Variants in RANBP2 observed in about 807,000 individuals in gnomAD.
RANBP2 encodes the protein E3 SUMO-protein ligase RanBP2.
In RANBP2, 57 loss-of-function variants were observed where a neutral mutation model predicts 303.6. The observed-to-expected ratio is 0.19, with a 90% confidence interval of 0.15 to 0.23. The LOEUF is 0.23. RANBP2 is among the 10% of genes least tolerant of loss of function. RANBP2 has a pLI of 1.00. For missense variants in RANBP2, 3,138 were observed against 3,780.8 expected (o/e 0.83, Z 4.46); for synonymous variants, 1,167 against 1,301.5 (o/e 0.90, Z 2.23).
the RANBP2 span, among the ~76,000 whole-genome samples, chr2:109,530,947 G>A: frequency 3.0e-4 from 45 of 152,256 alleles, no homozygotes; most frequent in Non-Finnish European, 6.0e-4. Flanking sequence ...GGAGCTTCTC[G>A]GGAAATGAAA....
chr2:109,175,801 A>G, the RANBP2 span, among the ~76,000 whole-genome samples: 1 of 152,238 alleles, frequency 6.6e-6, no homozygotes, highest in Non-Finnish European at 1.5e-5. Context: ...GGAGTAATTC[A>G]TCTTTTAACA....
At chr2:109,524,284 G>A in the RANBP2 span, among the ~76,000 whole-genome samples, 3 of 152,078 alleles carry the variant, frequency 2.0e-5, no homozygotes, top group African/African-American at 7.2e-5. Context: ...TCCACTGTAA[G>A]GACGGCTCAG....
At chr2:109,326,896 T>A in the RANBP2 span, among the ~76,000 whole-genome samples, 1 of 152,308 alleles carries the variant, frequency 6.6e-6, no homozygotes, top group East Asian at 1.9e-4. Context: ...GAGCAGGGGC[T>A]CACACCTGAG....
the RANBP2 span, among the ~76,000 whole-genome samples, chr2:109,071,967 C>G: frequency 6.6e-6 from 1 of 152,086 alleles, no homozygotes; most frequent in South Asian, 2.1e-4. Context: ...GAATATATCA[C>G]AAAGAGGAAT....
At chr2:109,264,533 A>C in the RANBP2 span, among the ~76,000 whole-genome samples, 3 of 152,258 alleles carry the variant, frequency 2.0e-5, no homozygotes, top group Non-Finnish European at 4.4e-5. Context: ...AAGTGAATCA[A>C]GTCTCAGGGC....
the RANBP2 span, among the ~76,000 whole-genome samples, chr2:108,805,464 G>A: frequency 2.0e-5 from 3 of 152,044 alleles, no homozygotes; most frequent in South Asian, 2.1e-4. Flanking sequence ...GGTGGCTCAC[G>A]CCTGTAATCC....
intron 24 of RANBP2, 90 bp downstream of exon 24, chr2:108,776,026 C>T (rs1159437730): frequency 2.5e-5 from 29 of 1,139,518 alleles, no homozygotes; most frequent in Non-Finnish European, 3.5e-5. Flanking sequence ...CTGAAAACTC[C>T]CTTTAAAACA....
chr2:109,056,004 C>T, the RANBP2 span, among the ~76,000 whole-genome samples: 10 of 149,332 alleles, frequency 6.7e-5, no homozygotes, highest in Admixed American at 2.7e-4. Context: ...GTGATCCACC[C>T]GCCTCAGCCT....
At chr2:108,924,928 G>A in the RANBP2 span, among the ~76,000 whole-genome samples, 3 of 152,224 alleles carry the variant, frequency 2.0e-5, no homozygotes, top group Non-Finnish European at 2.9e-5. Flanking sequence ...GCTTTCTAAC[G>A]TCCCTGGCCC....
chr2:109,325,122 G>T, the RANBP2 span, among the ~76,000 whole-genome samples: 1 of 152,010 alleles, frequency 6.6e-6, no homozygotes, highest in Non-Finnish European at 1.5e-5. Context: ...GTCAGGGAGG[G>T]GTCCCTTGGC....
At chr2:109,019,793 C>G in the RANBP2 span, among the ~76,000 whole-genome samples, 1 of 152,222 alleles carries the variant, frequency 6.6e-6, no homozygotes, top group Non-Finnish European at 1.5e-5. Context: ...ATGCCTTTGG[C>G]TTCTCCTGTC....
At chr2:108,973,355 G>T in the RANBP2 span, among the ~76,000 whole-genome samples, 1 of 152,216 alleles carries the variant, frequency 6.6e-6, no homozygotes, top group Non-Finnish European at 1.5e-5. Context: ...TGACTCAGGG[G>T]GCTGGCTAGG....
chr2:108,975,786 G>A, the RANBP2 span, among the ~76,000 whole-genome samples: 16 of 152,222 alleles, frequency 1.1e-4, no homozygotes, highest in Middle Eastern at 3.4e-3. Flanking sequence ...GGCTCCGTGC[G>A]GCATCAGGAT....
chr2:108,932,073 C>A, the RANBP2 span, among the ~76,000 whole-genome samples: 1 of 152,248 alleles, frequency 6.6e-6, no homozygotes, highest in East Asian at 1.9e-4. Flanking sequence ...TCATGAAAAC[C>A]AACTAATTCC....
At chr2:109,519,558 A>G in the RANBP2 span, among the ~76,000 whole-genome samples, 24 of 152,214 alleles carry the variant, frequency 1.6e-4, no homozygotes, top group African/African-American at 5.8e-4. Context: ...CTGTGTCCCT[A>G]CAGTTGCTGG....
the RANBP2 span, among the ~76,000 whole-genome samples, chr2:109,199,367 A>G: frequency 5.8e-5 from 3 of 51,572 alleles, no homozygotes; most frequent in Admixed American, 3.2e-4. Context: ...ATGGAATGGA[A>G]TGGAATGGAA....
At chr2:109,537,035 G>A in the RANBP2 span, among the ~76,000 whole-genome samples, 194 of 152,298 alleles carry the variant, frequency 1.3e-3, no homozygotes, top group Admixed American at 2.6e-3. Flanking sequence ...TATCAGCAGC[G>A]TGAAAACAGA....
the RANBP2 span, among the ~76,000 whole-genome samples, chr2:109,086,849 G>A: frequency 6.6e-6 from 1 of 152,292 alleles, no homozygotes; most frequent in South Asian, 2.1e-4. Flanking sequence ...GCCTCCCCAA[G>A]CCCACATCAT....
chr2:109,517,291 C>G, the RANBP2 span, among the ~76,000 whole-genome samples: 4,225 of 152,252 alleles, frequency 0.028, 215 homozygotes, highest in African/African-American at 0.096. Flanking sequence ...GTCTCCACAC[C>G]AGCCCCCCTC....
Sources: gnomAD v4.1 joint callset for allele counts (sites outside exome capture counted in the v4.1 genomes callset) on GRCh38, gnomAD v4.1.1 for gene constraint, MANE v1.5 for transcripts, NCBI Gene and HGNC (gene_info 2026-07-23, HGNC 2026-07-21) for gene names.